Variants in FOXN3 observed in about 807,000 individuals in gnomAD.
FOXN3 encodes the protein forkhead box N3.
FOXN3 carries 7 observed loss-of-function variants against 38.4 expected under a neutral mutation model. That is an observed-to-expected ratio of 0.18 (90% CI 0.10 to 0.34). FOXN3 has a LOEUF of 0.34. FOXN3 is among the 10% of genes least tolerant of loss of function. FOXN3 has a pLI of 1.00. For missense variants in FOXN3, 456 were observed against 613.4 expected (o/e 0.74, Z 2.71); for synonymous variants, 230 against 242.2 (o/e 0.95, Z 0.47).
At chr14:89,584,417 A>G (rs1308377141) in intron 1 of FOXN3, among the ~76,000 whole-genome samples, 1 of 152,090 alleles carries the variant, frequency 6.6e-6, no homozygotes, top group Admixed American at 6.5e-5. Context: ...TAAATAATAA[A>G]TAAATAACCT....
At chr14:89,314,751 A>C (rs775772463) in intron 3 of FOXN3, among the ~76,000 whole-genome samples, 1 of 152,118 alleles carries the variant, frequency 6.6e-6, no homozygotes. Context: ...GTGTTTCCCT[A>C]CTAGGCCACA....
intron 3 of FOXN3, among the ~76,000 whole-genome samples, chr14:89,300,551 CCAGT>C (rs1421915179): frequency 3.9e-5 from 6 of 152,138 alleles, no homozygotes; most frequent in African/African-American, 1.4e-4. Context: ...ATGCTGAAAA[CCAGT>C]CACAGACAAG....
rs186067559 is a variant in FOXN3 at position 89,539,094 on chromosome 14, G to A, written c.-15+79934C>T. Among the ~76,000 whole-genome samples, 915 of 151,994 alleles carry A rather than the reference G, an allele frequency of 6.0e-3. 9 individuals are homozygous for A. Among genetic ancestry groups the A allele is most frequent in the Non-Finnish European group, 9.3e-3 (634 of 67,948 alleles). ...CCTGACCTCATGATCCACCTGCCTC[G>A]GCCTCCCAAAGTGCTGGGATTACAG... On this transcript the variant is annotated intron_variant, in intron 1 of 6. Coordinates refer to the FOXN3 transcript ENST00000345097.
At chr14:89,597,429 C>G (rs979883167) in intron 1 of FOXN3, among the ~76,000 whole-genome samples, 1 of 152,140 alleles carries the variant, frequency 6.6e-6, no homozygotes, top group Non-Finnish European at 1.5e-5. Flanking sequence ...AAAGGAATAT[C>G]TACTCTGTAT....
At chr14:89,552,425 T>C (rs1344804929) in intron 1 of FOXN3, among the ~76,000 whole-genome samples, 2 of 152,234 alleles carry the variant, frequency 1.3e-5, no homozygotes, top group East Asian at 1.9e-4. Flanking sequence ...CAAATGATTT[T>C]AGTTCGCAAT....
intron 4 of FOXN3, among the ~76,000 whole-genome samples, chr14:89,223,550 G>A (rs535220648): frequency 1.3e-5 from 2 of 152,242 alleles, no homozygotes; most frequent in Non-Finnish European, 2.9e-5. Context: ...CAGCCTCCAG[G>A]AGCCTCCAAT....
At chr14:89,212,148 G>A (rs1372719452) in intron 4 of FOXN3, among the ~76,000 whole-genome samples, 1 of 152,186 alleles carries the variant, frequency 6.6e-6, no homozygotes, top group African/African-American at 2.4e-5. Context: ...CCAGAACTGT[G>A]AGACAATACA....
chr14:89,461,882 C>T lies in FOXN3; in HGVS notation c.-14-49392G>A, dbSNP rs115963328. Among the ~76,000 whole-genome samples the T allele has an allele frequency of 6.8e-3, 1,035 of 152,256 alleles. 13 individuals are homozygous for T. Among genetic ancestry groups the T allele is most frequent in the African/African-American group, 0.023 (963 of 41,546 alleles). On this transcript the variant is annotated intron_variant, in intron 1 of 6. Transcript: ENST00000345097. ...AAAGCCTTGATAGCACCCAGGCATC[C>T]AATTCTTAGGGATCCCATATCCTAT...
chr14:89,428,446 G>A (rs79361979), intron 1 of FOXN3, among the ~76,000 whole-genome samples: 8,132 of 152,200 alleles, frequency 0.053, 286 homozygotes, highest in East Asian at 0.085. Flanking sequence ...TAAAAGGGTC[G>A]GGGCTGGAAA....
At chr14:89,327,115 TA>T (rs1382391410) in intron 3 of FOXN3, among the ~76,000 whole-genome samples, 3 of 152,174 alleles carry the variant, frequency 2.0e-5, no homozygotes, top group Non-Finnish European at 1.5e-5. Context: ...CATGAGGCCA[TA>T]ATTGCCAAGT....
At chr14:89,465,930 A>G (rs1227857705) in intron 1 of FOXN3, among the ~76,000 whole-genome samples, 1 of 152,266 alleles carries the variant, frequency 6.6e-6, no homozygotes. Context: ...CCTTTAAGAC[A>G]GGCTGATTAT....
At chr14:89,251,462 A>G (rs1188374401) in intron 4 of FOXN3, among the ~76,000 whole-genome samples, 1 of 152,252 alleles carries the variant, frequency 6.6e-6, no homozygotes, top group African/African-American at 2.4e-5. Flanking sequence ...CACATTTGAA[A>G]TAAATGCTCA....
intron 1 of FOXN3, among the ~76,000 whole-genome samples, chr14:89,454,685 C>G (rs145913394): frequency 2.1e-3 from 319 of 152,260 alleles, no homozygotes; most frequent in Non-Finnish European, 3.8e-3. Context: ...TTTAAAAGAA[C>G]GAGGTAAACT....
intron 1 of FOXN3, among the ~76,000 whole-genome samples, chr14:89,529,702 G>C (rs115597161): frequency 0.067 from 10,208 of 152,164 alleles, 480 homozygotes; most frequent in South Asian, 0.23. Context: ...CAGAAATATT[G>C]TTGTTGTTTC....
intron 2 of FOXN3, among the ~76,000 whole-genome samples, chr14:89,388,502 C>A (rs553700701): frequency 6.6e-6 from 1 of 152,116 alleles, no homozygotes; most frequent in Non-Finnish European, 1.5e-5. Context: ...AGAATGAATG[C>A]GCCATTGACT....
intron 1 of FOXN3, among the ~76,000 whole-genome samples, chr14:89,465,648 G>A (rs1207541149): frequency 6.6e-6 from 1 of 152,222 alleles, no homozygotes; most frequent in Non-Finnish European, 1.5e-5. Flanking sequence ...GAAACTCACA[G>A]GGTTCAGAGT....
chr14:89,555,880 T>TGTGTG, intron 1 of FOXN3, among the ~76,000 whole-genome samples: 1 of 99,700 alleles, frequency 1.0e-5, no homozygotes, highest in East Asian at 3.9e-4. Flanking sequence ...TGTGTGTATG[T>TGTGTG]GGGGGTGTAT....
rs1347827437 is a variant in FOXN3, at chr14:89,286,155, AGAGAGGAGTAGGGAGGGGAGGAGG to A, written c.681-5165_681-5142del. Among the ~76,000 whole-genome samples, 7 of 148,460 alleles carry A rather than the reference AGAGAGGAGTAGGGAGGGGAGGAGG, an allele frequency of 4.7e-5. No individual in the cohort carries two copies. The East Asian group carries it at 8.7e-4, about 18-fold the overall frequency. On this transcript the variant is annotated intron_variant, in intron 3 of 5. Transcript: ENST00000557258. ...ATAATTTTTGTTAATGTATAAAACAAGAGAGGAGTAGGGAGGGGAGGAGGGAGAGGAGTAGGGAGGGAAGAAGGG... is the reference window on the plus strand; with the variant it reads ...ATAATTTTTGTTAATGTATAAAACAAGAGAGGAGTAGGGAGGGAAGAAGGG...
upstream of FOXN3, among the ~76,000 whole-genome samples, chr14:89,418,935 C>A (rs1891834146): frequency 6.6e-6 from 1 of 151,282 alleles, no homozygotes; most frequent in Non-Finnish European, 1.5e-5. Context: ...CCCCCAACCC[C>A]ACCCCCAAGT....
Sources: allele counts gnomAD v4.1 joint callset (sites outside exome capture counted in the v4.1 genomes callset), GRCh38; gene constraint gnomAD v4.1.1; transcripts MANE v1.5; gene names NCBI Gene and HGNC (gene_info 2026-07-23, HGNC 2026-07-21).